Variants in SHISAL1 observed in about 807,000 individuals in gnomAD.
The protein encoded by SHISAL1 is protein shisa-like-1.
SHISAL1 carries 9 observed loss-of-function variants against 22.6 expected under a neutral mutation model. That is an observed-to-expected ratio of 0.40 (90% CI 0.24 to 0.70). The LOEUF (loss-of-function observed/expected upper bound fraction) is 0.70, where lower values mean the gene tolerates loss of function less well. Among genes scored for constraint, SHISAL1 ranks in the 30% least tolerant of loss-of-function variants. SHISAL1 has a pLI of 0.39. For synonymous variants in SHISAL1, 119 were observed against 115.4 expected (o/e 1.03, Z -0.20); for missense variants, 246 against 270.6 (o/e 0.91, Z 0.64).
At chr22:44,279,758 C>G (rs544939876) in intron 4 of SHISAL1, among the ~76,000 whole-genome samples, 1 of 152,172 alleles carries the variant, frequency 6.6e-6, no homozygotes, top group Non-Finnish European at 1.5e-5. Context: ...TCCAGGGTGA[C>G]GGAGCCAGCA....
At chr22:44,256,628 T>C (rs2055086796) in intron 4 of SHISAL1, among the ~76,000 whole-genome samples, 1 of 152,218 alleles carries the variant, frequency 6.6e-6, no homozygotes, top group South Asian at 2.1e-4. Context: ...ATTATCACCA[T>C]CTGACAGTCC....
chr22:44,329,775 G>A, the SHISAL1 span, among the ~76,000 whole-genome samples: 1 of 152,344 alleles, frequency 6.6e-6, no homozygotes, highest in South Asian at 2.1e-4. Context: ...CCCAATTCTA[G>A]GCAACCGTGA....
At chr22:44,306,182 G>A (rs2055470290) in intron 1 of SHISAL1, among the ~76,000 whole-genome samples, 1 of 152,220 alleles carries the variant, frequency 6.6e-6, no homozygotes, top group African/African-American at 2.4e-5. Context: ...GAGTTCAATA[G>A]CACTGATGTT....
chr22:44,311,504 G>A (rs1021626212), intron 1 of SHISAL1, among the ~76,000 whole-genome samples: 1 of 152,208 alleles, frequency 6.6e-6, no homozygotes, highest in Non-Finnish European at 1.5e-5. Flanking sequence ...AAACTCAGCT[G>A]TTTCAATGGT....
chr22:44,292,458 T>C (rs2055359271), intron 3 of SHISAL1, among the ~76,000 whole-genome samples: 1 of 152,128 alleles, frequency 6.6e-6, no homozygotes, highest in Non-Finnish European at 1.5e-5. Context: ...TTATCACCCA[T>C]GTGGTCTGGG....
At chr22:44,267,545 C>G (rs560714904) in intron 4 of SHISAL1, among the ~76,000 whole-genome samples, 1 of 152,298 alleles carries the variant, frequency 6.6e-6, no homozygotes, top group Non-Finnish European at 1.5e-5. Flanking sequence ...TGGTAGACCC[C>G]CAGCTGCCTT....
chr22:44,266,620 G>A (rs1351808025), intron 4 of SHISAL1, among the ~76,000 whole-genome samples: 1 of 151,498 alleles, frequency 6.6e-6, no homozygotes, highest in African/African-American at 2.4e-5. Context: ...GGGGGGCCAG[G>A]GCACATTGTA....
chr22:44,299,987 CAA>C (rs1390916057), intron 2 of SHISAL1, among the ~76,000 whole-genome samples: 2 of 134,038 alleles, frequency 1.5e-5, no homozygotes, highest in Non-Finnish European at 3.1e-5. Flanking sequence ...GAGACAAAGA[CAA>C]AGAGGCAGAG....
chr22:44,325,978 C>T, the SHISAL1 span, among the ~76,000 whole-genome samples: 4 of 152,002 alleles, frequency 2.6e-5, no homozygotes, highest in African/African-American at 9.7e-5. Flanking sequence ...AGTTCTCCTT[C>T]CCTTCCCCCA....
chr22:44,301,255 CGGCAGAGGCTGGTGGCCA>C, intron 1 of SHISAL1, among the ~76,000 whole-genome samples: 1 of 152,158 alleles, frequency 6.6e-6, no homozygotes, highest in Admixed American at 6.5e-5. Flanking sequence ...AATGACCGGC[CGGCAGAGGCTGGTGGCCA>C]GGCACCAGAG....
intron 4 of SHISAL1, among the ~76,000 whole-genome samples, chr22:44,275,973 T>C (rs1300694315): frequency 6.6e-6 from 1 of 152,220 alleles, no homozygotes; most frequent in African/African-American, 2.4e-5. Flanking sequence ...CTACTATGTG[T>C]CAGGCCCTGT....
chr22:44,317,314 G>A (rs917612613), upstream of SHISAL1, among the ~76,000 whole-genome samples: 1 of 152,242 alleles, frequency 6.6e-6, no homozygotes, highest in African/African-American at 2.4e-5. Context: ...ACACCGGCCC[G>A]CAGCAAGCCA....
chr22:44,249,491 G>A lies in SHISAL1; in HGVS notation c.*194C>T. On this transcript the variant is annotated 3_prime_UTR_variant, in exon 5 of 5. Coordinates refer to ENST00000381176, the MANE Select transcript of SHISAL1 (RefSeq NM_001099294.2). ...CAGAATCCCCTCCCCTGCACCCCCA[G>A]CCCCTACCCCTGAGTTTGCTCCTAA... is the stretch of plus-strand genomic sequence containing the variant. The A allele has an allele frequency of 1.0e-5, 4 of 396,818 alleles. No homozygotes were observed. The highest frequency in any genetic ancestry group is 7.5e-4 in the Middle Eastern group (1 of 1,340). The allele number at this position is 396,818 out of a possible 1,614,324, so 24.6% of individuals were successfully genotyped here.
At chr22:44,286,162 T>A (rs141892687) in intron 3 of SHISAL1, among the ~76,000 whole-genome samples, 1 of 152,248 alleles carries the variant, frequency 6.6e-6, no homozygotes, top group Non-Finnish European at 1.5e-5. Context: ...CCTACATTGT[T>A]CCTGGCACCC....
chr22:44,247,241 T>C lies in SHISAL1; in HGVS notation c.*2444A>G, dbSNP rs1220680845. On this transcript the variant is annotated 3_prime_UTR_variant, in exon 5 of 5. Transcript: ENST00000381176. Reference sequence around the variant, plus strand: ...CTCCTTAAATACCCATCTGACTCCTTCCTCTTACCGATGGGGAAACTGAGG... The same window carrying C: ...CTCCTTAAATACCCATCTGACTCCTCCCTCTTACCGATGGGGAAACTGAGG... 1 of 152,132 alleles carries C rather than the reference T, an allele frequency of 6.6e-6. No individual in the cohort carries two copies. The highest frequency in any genetic ancestry group is 1.9e-4 in the East Asian group (1 of 5,192). The allele number at this position is 152,132 out of a possible 1,614,324, so 9.4% of individuals were successfully genotyped here.
intron 4 of SHISAL1, among the ~76,000 whole-genome samples, chr22:44,274,604 A>G (rs1446331400): frequency 6.6e-6 from 1 of 152,182 alleles, no homozygotes; most frequent in Non-Finnish European, 1.5e-5. Context: ...AATCCCACAC[A>G]TGGAATCTGG....
the SHISAL1 span, among the ~76,000 whole-genome samples, chr22:44,328,340 T>C: frequency 6.6e-6 from 1 of 152,234 alleles, no homozygotes; most frequent in South Asian, 2.1e-4. Context: ...TACAACAGAA[T>C]CCACAGTTGC....
At chr22:44,269,754 A>AT (rs2147279710) in intron 4 of SHISAL1, among the ~76,000 whole-genome samples, 1 of 152,112 alleles carries the variant, frequency 6.6e-6, no homozygotes, top group South Asian at 2.1e-4. Flanking sequence ...TGCACACACC[A>AT]TGCCACACAG....
upstream of SHISAL1, among the ~76,000 whole-genome samples, chr22:44,314,589 C>A (rs766392330): frequency 6.6e-6 from 1 of 152,162 alleles, no homozygotes; most frequent in Non-Finnish European, 1.5e-5. Flanking sequence ...CCTGGCAGAC[C>A]GGGGTGAGGG....
Sources: gnomAD v4.1 joint callset for allele counts (sites outside exome capture counted in the v4.1 genomes callset) on GRCh38, gnomAD v4.1.1 for gene constraint, MANE v1.5 for transcripts, NCBI Gene and HGNC (gene_info 2026-07-23, HGNC 2026-07-21) for gene names.